Variants in CACHD1 observed in about 807,000 individuals in gnomAD.
The protein encoded by CACHD1 is VWFA and cache domain-containing protein 1.
Under a neutral mutation model 138.7 loss-of-function variants are expected in CACHD1, and 71 were observed. That is an observed-to-expected ratio of 0.51 (90% CI 0.42 to 0.62). The LOEUF is 0.62. CACHD1 is among the 20% of genes least tolerant of loss of function. The pLI is 0.00. For missense variants in CACHD1, 1,389 were observed against 1,625.3 expected (o/e 0.85, Z 2.50); for synonymous variants, 578 against 591.5 (o/e 0.98, Z 0.33).
At chr1:64,664,720 A>G in intron 15 of CACHD1, 41 bp downstream of exon 15, 1 of 1,581,660 alleles carries the variant, frequency 6.3e-7, no homozygotes, top group Non-Finnish European at 8.7e-7. Context: ...TTCTCCCCCA[A>G]ATCCTGGAGA....
intron 1 of CACHD1, among the ~76,000 whole-genome samples, chr1:64,534,302 C>T (rs1486981090): frequency 6.6e-6 from 1 of 152,122 alleles, no homozygotes; most frequent in Non-Finnish European, 1.5e-5. Context: ...CCTCGGCCTC[C>T]CAAAGTGCTG....
At position 64,537,566 on chromosome 1, in the gene CACHD1, A is replaced by G. The variant is rs898149069; in HGVS notation, c.199-13028A>G. Among the ~76,000 whole-genome samples, 3 of 152,164 alleles carry G rather than the reference A, an allele frequency of 2.0e-5. No individual in the cohort carries two copies. In the East Asian group the frequency reaches 5.8e-4, roughly 29 times the overall value. ...CTACCAGTGTCATAGCTGGATCTTT[A>G]ATACCACAGCCATTTCCTGAAAATG... On this transcript the variant is annotated intron_variant, in intron 1 of 26. Coordinates refer to ENST00000651257, the MANE Select transcript of CACHD1 (RefSeq NM_020925.4).
chr1:64,638,582 A>G (rs545416735), intron 7 of CACHD1, among the ~76,000 whole-genome samples: 27 of 152,316 alleles, frequency 1.8e-4, no homozygotes, highest in African/African-American at 6.5e-4. Flanking sequence ...GTTGAGGATC[A>G]TAATGAACCT....
At chr1:64,475,263 C>T (rs537839278) in intron 1 of CACHD1, among the ~76,000 whole-genome samples, 25 of 146,752 alleles carry the variant, frequency 1.7e-4, no homozygotes, top group African/African-American at 6.2e-4. Context: ...ACTGTAACCT[C>T]AAACTCCTGG....
chr1:64,622,816 C>T (rs1647963499), intron 4 of CACHD1, among the ~76,000 whole-genome samples: 1 of 152,118 alleles, frequency 6.6e-6, no homozygotes, highest in South Asian at 2.1e-4. Flanking sequence ...TTGTATGATG[C>T]TCAATACATT....
chr1:64,541,392 T>C (rs111541497), intron 1 of CACHD1, among the ~76,000 whole-genome samples: 1 of 146,768 alleles, frequency 6.8e-6, no homozygotes, highest in Non-Finnish European at 1.5e-5. Flanking sequence ...CAGATTTTTT[T>C]CCCTTCTTTA....
intron 2 of CACHD1, among the ~76,000 whole-genome samples, chr1:64,552,024 C>A (rs1167845537): frequency 6.6e-6 from 1 of 152,152 alleles, no homozygotes; most frequent in East Asian, 1.9e-4. Flanking sequence ...TTCAAGGAAA[C>A]TTTCTGGGAG....
rs775615641 is a variant in CACHD1 at position 64,679,731 on chromosome 1, G to A, written c.3381G>A (p.Gln1127=). The change falls in exon 24 of 27, where the codon CAG becomes CAA. Residue 1127 remains glutamine (Q), a synonymous_variant. Coordinates refer to ENST00000651257, the MANE Select transcript of CACHD1 (RefSeq NM_020925.4). ...ACCAGATTCATCGCCGGAGCCATCA[G>A]CATATGTCTCCTCTTGCTGCCCAAG... The part of the protein sequence containing the change: ...YRHQIHRRSH[Q]HMSPLAAQEM... The A allele has an allele frequency of 6.2e-7, 1 of 1,614,016 alleles. No homozygotes were observed.
At chr1:64,578,315 T>G (rs1057422851) in intron 2 of CACHD1, among the ~76,000 whole-genome samples, 1 of 152,198 alleles carries the variant, frequency 6.6e-6, no homozygotes, top group Non-Finnish European at 1.5e-5. Context: ...CTATTAAAAT[T>G]TTCTGAAGAA....
intron 12 of CACHD1, among the ~76,000 whole-genome samples, chr1:64,655,691 C>T (rs144394395): frequency 6.6e-6 from 1 of 152,284 alleles, no homozygotes; most frequent in Non-Finnish European, 1.5e-5. Context: ...ATCTAACACA[C>T]ACTGTTCATG....
Position 64,632,717 on chromosome 1 carries a change from C to A in CACHD1, c.763C>A (p.Leu255Ile), listed in dbSNP as rs1156263658. 1 of 1,614,162 alleles carries A rather than the reference C, an allele frequency of 6.2e-7. No homozygotes were observed. Among genetic ancestry groups the A allele is most frequent in the Non-Finnish European group, 8.5e-7 (1 of 1,180,006 alleles). ...TGCCAAGGACGCTGCTCAGGTCATC[C>A]TCAGCGCCATCGATGAACATGACAA... ...QIAKDAAQVI[L>I]SAIDEHDKIS... Residue 255 changes from leucine (L) to isoleucine (I), a missense_variant, in exon 6 of 27, where the codon CTC (leucine) becomes ATC (isoleucine). Around this residue, in one of 5 missense-constraint regions of CACHD1, gnomAD observed 1,000 missense variants for 1,114.7 expected, o/e 0.90. Transcript: ENST00000651257.
intron 26 of CACHD1, among the ~76,000 whole-genome samples, chr1:64,682,559 C>T (rs1438779356): frequency 6.6e-6 from 1 of 152,156 alleles, no homozygotes. Context: ...GCAACATTTG[C>T]ACTGAGCCTT....
intron 26 of CACHD1, among the ~76,000 whole-genome samples, chr1:64,682,984 T>A (rs1362614013): frequency 1.3e-5 from 2 of 151,980 alleles, no homozygotes; most frequent in Non-Finnish European, 2.9e-5. Context: ...AATACATAAA[T>A]AGTGTATTTA....
chr1:64,575,535 A>G (rs1646960228), intron 2 of CACHD1, among the ~76,000 whole-genome samples: 1 of 152,214 alleles, frequency 6.6e-6, no homozygotes, highest in Admixed American at 6.5e-5. Flanking sequence ...CTTTAGTGGT[A>G]AGGCTAGAGT....
intron 1 of CACHD1, among the ~76,000 whole-genome samples, chr1:64,498,151 A>G (rs976053376): frequency 6.6e-6 from 1 of 152,228 alleles, no homozygotes; most frequent in East Asian, 1.9e-4. Flanking sequence ...AGAGTGTGGC[A>G]TATCCTCATG....
intron 3 of CACHD1, among the ~76,000 whole-genome samples, chr1:64,585,617 A>G (rs1039995469): frequency 1.3e-5 from 2 of 152,212 alleles, no homozygotes; most frequent in Non-Finnish European, 2.9e-5. Flanking sequence ...TGGAAAACCA[A>G]AGCAGTTCTG....
chr1:64,481,509 A>G (rs546246482), intron 1 of CACHD1, among the ~76,000 whole-genome samples: 2 of 152,320 alleles, frequency 1.3e-5, no homozygotes, highest in South Asian at 2.1e-4. Flanking sequence ...CTTCAAACGC[A>G]GAGAGTGCAG....
In CACHD1 at chr1:64,676,083, A is replaced by G. The variant is rs1314416888; in HGVS notation, c.2975+100A>G. ...GTCTCTTATAGATTTGTTTTGAGTT[A>G]GGGCGTATAAAGATGATTCATTCTA... On this transcript the variant is annotated intron_variant, in intron 21 of 26. Coordinates refer to ENST00000651257, the MANE Select transcript of CACHD1 (RefSeq NM_020925.4). 2.3e-5 allele frequency: 10 copies of G among 437,186 alleles called. No individual in the cohort carries two copies. In the East Asian group the frequency reaches 4.7e-4, roughly 21 times the overall value. 27.1% of individuals were successfully genotyped at this position (437,186 alleles called of 1,614,324 possible). A position where few individuals can be genotyped will look rare whatever the true frequency, so the allele number is the denominator to read the frequency against.
At chr1:64,566,820 T>G (rs1646886553) in intron 2 of CACHD1, among the ~76,000 whole-genome samples, 1 of 152,040 alleles carries the variant, frequency 6.6e-6, no homozygotes, top group Non-Finnish European at 1.5e-5. Context: ...CTCTTTAAAG[T>G]TTGGAAGAGG....
Sources: gnomAD v4.1 joint callset for allele counts (sites outside exome capture counted in the v4.1 genomes callset) on GRCh38, gnomAD v4.1.1 for gene constraint, gnomAD v4.1.1 regional missense constraint, MANE v1.5 for transcripts, NCBI Gene and HGNC (gene_info 2026-07-23, HGNC 2026-07-21) for gene names.